SEMA5A: variants seen among roughly 807,000 people sequenced by gnomAD.
SEMA5A encodes semaphorin 5A.
A neutral mutation model predicts 135.5 loss-of-function variants in SEMA5A; 55 were observed. That is an observed-to-expected ratio of 0.41 (90% confidence interval 0.33 to 0.51). The LOEUF (loss-of-function observed/expected upper bound fraction) is 0.51, where lower values mean the gene tolerates loss of function less well. Ranked by LOEUF, SEMA5A falls within the 20% of genes least tolerant of loss-of-function variation. SEMA5A has a pLI of 0.37. For synonymous variants in SEMA5A, 580 were observed against 546.5 expected (o/e 1.06, Z -0.85); for missense variants, 1,290 against 1,419.9 (o/e 0.91, Z 1.47).
rs543295019 is a variant in SEMA5A at position 9,314,727 on chromosome 5, A to G, written c.270+3645T>C. Among the ~76,000 whole-genome samples, 7 of 152,210 alleles carry G rather than the reference A, an allele frequency of 4.6e-5. 1 individual carries two copies. In the East Asian group the frequency reaches 1.2e-3, roughly 25 times the overall value. ...AAAAAAAAGTGTGTCATGAATTGCC[A>G]GCCTTCTCTCTCCAGACTAAGTAAA... On this transcript the variant is annotated intron_variant, in intron 5 of 22. Transcript: ENST00000382496.
At chr5:9,089,280 T>TG (rs1738901770) in intron 16 of SEMA5A, among the ~76,000 whole-genome samples, 1 of 152,222 alleles carries the variant, frequency 6.6e-6, no homozygotes, top group Non-Finnish European at 1.5e-5. Flanking sequence ...CCTTGGATAA[T>TG]GTTTCATAAC....
chr5:9,442,100 G>C (rs995792241), intron 1 of SEMA5A, among the ~76,000 whole-genome samples: 24 of 152,200 alleles, frequency 1.6e-4, no homozygotes, highest in Non-Finnish European at 2.9e-4. Context: ...CCAAGCAAAG[G>C]ACTTGCCTTT....
intron 5 of SEMA5A, among the ~76,000 whole-genome samples, chr5:9,244,961 T>C: frequency 6.6e-6 from 1 of 152,222 alleles, no homozygotes; most frequent in East Asian, 1.9e-4. Context: ...ATTTTACTAC[T>C]TTTTCAGCAG....
At chr5:9,395,558 T>C (rs1019462006) in intron 2 of SEMA5A, among the ~76,000 whole-genome samples, 2 of 152,202 alleles carry the variant, frequency 1.3e-5, no homozygotes, top group Non-Finnish European at 2.9e-5. Flanking sequence ...TCAGATAAAC[T>C]ATGTTATCCA....
chr5:9,429,089 G>A (rs998849651), intron 2 of SEMA5A, among the ~76,000 whole-genome samples: 6 of 152,134 alleles, frequency 3.9e-5, no homozygotes, highest in African/African-American at 1.4e-4. Flanking sequence ...TAATTCATCC[G>A]GCCATGGAGA....
At chr5:9,110,232 A>G (rs140344744) in intron 15 of SEMA5A, among the ~76,000 whole-genome samples, 11 of 152,244 alleles carry the variant, frequency 7.2e-5, no homozygotes, top group Non-Finnish European at 1.6e-4. Context: ...ACTTCCACAG[A>G]GCTCCAGAGA....
chr5:9,441,260 C>T (rs1350060215), intron 1 of SEMA5A, among the ~76,000 whole-genome samples: 1 of 152,012 alleles, frequency 6.6e-6, no homozygotes, highest in African/African-American at 2.4e-5. Flanking sequence ...GCAGAAGAGT[C>T]AAGGAAAAGA....
chr5:9,154,695 T>A lies in SEMA5A; in HGVS notation c.1274A>T (p.Asp425Val), dbSNP rs147235999. Reference sequence around the variant, plus strand: ...CCGCACTTTCTTAATGGTTCCGTAATCTATGAAGGTCACAGGATGAAAAGG... The same window carrying A: ...CCGCACTTTCTTAATGGTTCCGTAAACTATGAAGGTCACAGGATGAAAAGG... The part of the protein sequence containing the change: ...ALVHIIYLAT[D>V]YGTIKKVRVP... Residue 425 changes from aspartate to valine, a missense_variant and splice_region_variant, in exon 12 of 23, where the codon GAT becomes GTT. By Grantham distance (152) the Asp-to-Val change is radical. Coordinates refer to ENST00000382496, the MANE Select transcript of SEMA5A (RefSeq NM_003966.3). 3.1e-6 allele frequency: 5 copies of A among 1,613,538 alleles called. No homozygotes were observed. Among genetic ancestry groups the A allele is most frequent in the Middle Eastern group, 1.7e-4 (1 of 6,058 alleles).
chr5:9,353,960 A>G (rs568463870), intron 3 of SEMA5A, among the ~76,000 whole-genome samples: 1 of 149,516 alleles, frequency 6.7e-6, no homozygotes, highest in South Asian at 2.2e-4. Flanking sequence ...TTAAAAAAAG[A>G]AAAAGCACGT....
At chr5:9,373,891 A>C (rs968099169) in intron 3 of SEMA5A, among the ~76,000 whole-genome samples, 3 of 152,206 alleles carry the variant, frequency 2.0e-5, no homozygotes, top group African/African-American at 7.2e-5. Flanking sequence ...TACTGAGTAA[A>C]CTTTAATCAA....
chr5:9,398,977 A>T (rs1756527786), intron 2 of SEMA5A, among the ~76,000 whole-genome samples: 1 of 152,230 alleles, frequency 6.6e-6, no homozygotes, highest in East Asian at 1.9e-4. Context: ...TCATCAAAGA[A>T]AACGCCACAT....
At position 9,201,007 on chromosome 5, in the gene SEMA5A, C is replaced by T. The variant is rs541338971; in HGVS notation, c.932+948G>A. On this transcript the variant is annotated intron_variant, in intron 9 of 22. Transcript: ENST00000382496. ...CTGTTGGTCATCCTACCTCATTTAT[C>T]AGCACTTCCAACCCATCCAGATTTT... 3.3e-5 allele frequency among the ~76,000 whole-genome samples: 5 copies of T among 152,326 alleles called. No individual in the cohort carries two copies. The East Asian group carries it at 7.7e-4, about 24-fold the overall frequency.
At chr5:9,175,146 C>T (rs1344236254) in intron 11 of SEMA5A, among the ~76,000 whole-genome samples, 1 of 152,050 alleles carries the variant, frequency 6.6e-6, no homozygotes. Context: ...AAATTCTGCT[C>T]CCTGCATCCC....
At chr5:9,146,601 T>C (rs1460417174) in intron 12 of SEMA5A, among the ~76,000 whole-genome samples, 1 of 152,184 alleles carries the variant, frequency 6.6e-6, no homozygotes, top group Admixed American at 6.5e-5. Flanking sequence ...TAAAGATAAA[T>C]CGATTTTGGA....
At chr5:9,467,788 C>A (rs1369370101) in intron 1 of SEMA5A, among the ~76,000 whole-genome samples, 1 of 152,198 alleles carries the variant, frequency 6.6e-6, no homozygotes, top group Non-Finnish European at 1.5e-5. Context: ...CAGCGTGGGT[C>A]TGGCGTCCTG....
chr5:9,121,904 T>A (rs1740832332), intron 14 of SEMA5A, among the ~76,000 whole-genome samples: 1 of 152,186 alleles, frequency 6.6e-6, no homozygotes. Flanking sequence ...AGTGACTTCA[T>A]AAACAATTGT....
intron 16 of SEMA5A, among the ~76,000 whole-genome samples, chr5:9,105,564 T>C (rs1336081640): frequency 6.6e-6 from 1 of 152,154 alleles, no homozygotes; most frequent in Admixed American, 6.5e-5. Flanking sequence ...CTGAAGCCCA[T>C]GGATAACAAT....
chr5:9,059,479 T>A (rs1292170079), intron 18 of SEMA5A, among the ~76,000 whole-genome samples: 2 of 152,244 alleles, frequency 1.3e-5, no homozygotes, highest in Non-Finnish European at 2.9e-5. Flanking sequence ...TATAGTTTAT[T>A]TATACACATC....
intron 15 of SEMA5A, among the ~76,000 whole-genome samples, chr5:9,116,502 G>GA (rs113575661): frequency 7.9e-5 from 12 of 151,432 alleles, no homozygotes; most frequent in South Asian, 4.2e-4. Context: ...TTATTTTTCA[G>GA]AAAAAAAAAT....
Sources: allele counts gnomAD v4.1 joint callset (sites outside exome capture counted in the v4.1 genomes callset), GRCh38; gene constraint gnomAD v4.1.1; transcripts MANE v1.5; gene names NCBI Gene and HGNC (gene_info 2026-07-23, HGNC 2026-07-21).